FGGY: variants seen among roughly 807,000 people sequenced by gnomAD.
The protein encoded by FGGY is FGGY carbohydrate kinase domain-containing protein.
FGGY carries 72 observed loss-of-function variants against 71.3 expected under a neutral mutation model. That is an observed-to-expected ratio of 1.01 (90% CI 0.84 to 1.23). The LOEUF (loss-of-function observed/expected upper bound fraction) is 1.23. Among genes scored for constraint, FGGY ranks in the 50% most tolerant of loss-of-function variants. The pLI is 0.00. For missense variants in FGGY, 668 were observed against 682.3 expected (o/e 0.98, Z 0.23); for synonymous variants, 251 against 250.3 (o/e 1.00, Z -0.02).
intron 14 of FGGY, among the ~76,000 whole-genome samples, chr1:59,701,904 G>T (rs2097712379): frequency 6.6e-6 from 1 of 152,098 alleles, no homozygotes; most frequent in Non-Finnish European, 1.5e-5. Context: ...TTTTTCAGAG[G>T]CAGCTCATGA....
chr1:59,600,978 T>C (rs942993015), intron 8 of FGGY, among the ~76,000 whole-genome samples: 10 of 149,008 alleles, frequency 6.7e-5, no homozygotes, highest in Non-Finnish European at 1.3e-4. Flanking sequence ...CAAAATTCTC[T>C]ATGCTTTTTT....
intron 4 of FGGY, among the ~76,000 whole-genome samples, chr1:59,375,471 A>G (rs780467333): frequency 1.3e-5 from 2 of 152,164 alleles, no homozygotes; most frequent in Admixed American, 6.5e-5. Context: ...GACCATGTGC[A>G]TACTTAAGAG....
chr1:59,611,761 G>T lies in FGGY; in HGVS notation c.1011+3851G>T, dbSNP rs1259051764. On this transcript the variant is annotated intron_variant, in intron 9 of 15. Coordinates refer to ENST00000303721, the MANE Select transcript of FGGY (RefSeq NM_018291.5). The stretch of plus-strand genomic sequence containing the variant: ...AGTTAAAAACCTTGAAAAAAGATTA[G>T]ATGAATGTCTAACTAGAATAACCAC... Among the ~76,000 whole-genome samples the T allele has an allele frequency of 2.0e-5, 3 of 152,204 alleles. No homozygotes were observed. The East Asian group carries it at 5.8e-4, about 29-fold the overall frequency.
intron 8 of FGGY, among the ~76,000 whole-genome samples, chr1:59,606,593 C>T (rs1448304614): frequency 6.6e-6 from 1 of 152,052 alleles, no homozygotes; most frequent in Non-Finnish European, 1.5e-5. Context: ...TTTAATTTTC[C>T]TGAATCATGC....
intron 4 of FGGY, among the ~76,000 whole-genome samples, chr1:59,366,880 T>C (rs2056683772): frequency 6.6e-6 from 1 of 152,112 alleles, no homozygotes; most frequent in Non-Finnish European, 1.5e-5. Context: ...GAAAGTCAAT[T>C]CAAGTAGAGA....
chr1:59,373,519 C>G (rs1017348397), intron 4 of FGGY, among the ~76,000 whole-genome samples: 44 of 152,104 alleles, frequency 2.9e-4, no homozygotes, highest in Admixed American at 9.2e-4. Context: ...CCCCATCAAG[C>G]TACCAATGAC....
At chr1:59,368,466 T>G (rs2056951365) in intron 4 of FGGY, among the ~76,000 whole-genome samples, 1 of 152,220 alleles carries the variant, frequency 6.6e-6, no homozygotes. Flanking sequence ...GCTAAGCCCT[T>G]GTGGTCTGAC....
chr1:59,399,256 C>T (rs1349885995), intron 5 of FGGY, among the ~76,000 whole-genome samples: 1 of 152,096 alleles, frequency 6.6e-6, no homozygotes, highest in Non-Finnish European at 1.5e-5. Context: ...TTTAAATACC[C>T]CTTTGTCCCT....
At chr1:59,548,758 G>A (rs559375994) in intron 7 of FGGY, among the ~76,000 whole-genome samples, 1 of 152,262 alleles carries the variant, frequency 6.6e-6, no homozygotes, top group Admixed American at 6.5e-5. Context: ...ATTGCCACAT[G>A]TGTCTGGTAT....
intron 6 of FGGY, among the ~76,000 whole-genome samples, chr1:59,470,391 T>C (rs2092880242): frequency 1.3e-5 from 2 of 152,170 alleles, no homozygotes; most frequent in South Asian, 4.1e-4. Flanking sequence ...TCAATATGAC[T>C]TCTGAAGGGG....
chr1:59,360,863 G>C (rs751095434), intron 4 of FGGY, among the ~76,000 whole-genome samples: 4 of 152,118 alleles, frequency 2.6e-5, no homozygotes, highest in Non-Finnish European at 5.9e-5. Context: ...TGTTTGAGTG[G>C]GTGGGAACAG....
chr1:59,603,577 T>A (rs753938475), intron 8 of FGGY, among the ~76,000 whole-genome samples: 5 of 152,226 alleles, frequency 3.3e-5, no homozygotes, highest in Non-Finnish European at 5.9e-5. Flanking sequence ...CCTCCCATTT[T>A]GGAGTTGAGG....
At position 59,519,699 on chromosome 1, in the gene FGGY, T is replaced by C. The variant is rs559475604; in HGVS notation, c.799+7260T>C. On this transcript the variant is annotated intron_variant, in intron 7 of 15. Coordinates refer to ENST00000303721, the MANE Select transcript of FGGY (RefSeq NM_018291.5). Reference sequence around the variant, plus strand: ...ATGACCATTTCTTACATGTGTCCTATGTGCCAAGTACTCTACCTGATACTG... The same window carrying C: ...ATGACCATTTCTTACATGTGTCCTACGTGCCAAGTACTCTACCTGATACTG... 1.3e-4 allele frequency among the ~76,000 whole-genome samples: 20 copies of C among 152,354 alleles called. 1 individual carries two copies. The South Asian group carries it at 4.1e-3, about 32-fold the overall frequency.
chr1:59,564,748 G>A (rs1236161422), intron 8 of FGGY, among the ~76,000 whole-genome samples: 3 of 152,186 alleles, frequency 2.0e-5, no homozygotes, highest in South Asian at 4.1e-4. Flanking sequence ...ACTCTACCCT[G>A]TGATCCAGAC....
chr1:59,321,571 C>T lies in FGGY; in HGVS notation c.22C>T (p.Pro8Ser), dbSNP rs1570318047. 2 of 1,613,820 alleles carry T rather than the reference C, an allele frequency of 1.2e-6. No homozygotes were observed. Among genetic ancestry groups the T allele is most frequent in the East Asian group, 2.2e-5 (1 of 44,880 alleles). MSGGEQKPERYYVGVDVG... is the reference protein window; with the variant it reads MSGGEQKSERYYVGVDVG... ...TGCAATGTCTGGTGGAGAACAGAAACCAGAGAGGTACTATGTGGGTGTGGA... is the reference window on the plus strand; with the variant it reads ...TGCAATGTCTGGTGGAGAACAGAAATCAGAGAGGTACTATGTGGGTGTGGA... The change falls in exon 2 of 16, where the codon CCA becomes TCA. Residue 8 changes from proline to serine, a missense_variant. Pro to Ser is a moderately conservative substitution (Grantham distance 74). Around this residue, in one of 2 missense-constraint regions of FGGY, gnomAD observed 7 missense variants for 20.7 expected, o/e 0.34. Coordinates refer to ENST00000303721, the MANE Select transcript of FGGY (RefSeq NM_018291.5).
chr1:59,421,778 G>A (rs532161223), intron 5 of FGGY, among the ~76,000 whole-genome samples: 13 of 152,080 alleles, frequency 8.5e-5, no homozygotes, highest in Non-Finnish European at 8.8e-5. Flanking sequence ...TGACCTCTGA[G>A]TAGCCTTCTT....
intron 2 of FGGY, among the ~76,000 whole-genome samples, chr1:59,331,447 C>G (rs909336493): frequency 2.0e-5 from 3 of 152,206 alleles, no homozygotes; most frequent in African/African-American, 7.2e-5. Context: ...TGCTGTTCCC[C>G]CTCCCAGGAC....
intron 7 of FGGY, among the ~76,000 whole-genome samples, chr1:59,529,581 A>G (rs1008192284): frequency 3.9e-5 from 6 of 152,244 alleles, no homozygotes; most frequent in African/African-American, 1.2e-4. Flanking sequence ...GCTGAAATCT[A>G]TGATATCTCT....
At chr1:59,333,565 C>T (rs2048900095) in intron 2 of FGGY, among the ~76,000 whole-genome samples, 1 of 152,178 alleles carries the variant, frequency 6.6e-6, no homozygotes, top group African/African-American at 2.4e-5. Context: ...AGGTCTTCTG[C>T]CCCCAAAGTC....
Sources: gnomAD v4.1 joint callset for allele counts (sites outside exome capture counted in the v4.1 genomes callset) on GRCh38, gnomAD v4.1.1 for gene constraint, gnomAD v4.1.1 regional missense constraint, MANE v1.5 for transcripts, NCBI Gene and HGNC (gene_info 2026-07-23, HGNC 2026-07-21) for gene names.